ALKBH5: variants seen among roughly 807,000 people sequenced by gnomAD.
ALKBH5 encodes alkB homolog 5, RNA demethylase, also known as RNA demethylase ALKBH5.
In ALKBH5, 2 loss-of-function variants were observed where a neutral mutation model predicts 32.1. The ratio of observed to expected loss-of-function variants is 0.06; its 90% CI spans 0.03 to 0.20. ALKBH5 has a LOEUF of 0.20. ALKBH5 is among the 10% of genes least tolerant of loss of function. The pLI is 1.00. For synonymous variants in ALKBH5, 300 were observed against 231.7 expected, an observed-to-expected ratio of 1.29 and a Z score of -2.68; for missense variants, 352 against 559.5, an observed-to-expected ratio of 0.63 and a Z score of 3.74.
rs750021534 is a variant in ALKBH5 at position 18,206,976 on chromosome 17, C to A, written c.1007+6C>A. 1.9e-6 allele frequency: 3 copies of A among 1,612,164 alleles called. No individual in the cohort carries two copies. The highest frequency in any genetic ancestry group is 2.5e-6 in the Non-Finnish European group (3 of 1,178,674). ...GACCCTGATGCTGCCCACAGGTACTCAGTTTAGGACCCTCAGCAAAGGCTG... is the reference window on the plus strand; with the variant it reads ...GACCCTGATGCTGCCCACAGGTACTAAGTTTAGGACCCTCAGCAAAGGCTG... On this transcript the variant is annotated splice_donor_region_variant and intron_variant, in intron 3 of 3. Coordinates refer to ENST00000399138, the MANE Select transcript of ALKBH5 (RefSeq NM_017758.4).
Position 18,183,861 on chromosome 17 carries a change from T to A in ALKBH5, c.-383T>A. On this transcript the variant is annotated 5_prime_UTR_variant, in exon 1 of 4. Transcript: ENST00000399138. ...CGCTAAGGAGCGGCGCTGGCGGACGTCGGGCTGGCTGCCCGTGACGTCGTG... is the reference window on the plus strand; with the variant it reads ...CGCTAAGGAGCGGCGCTGGCGGACGACGGGCTGGCTGCCCGTGACGTCGTG... The A allele has an allele frequency of 2.9e-6, 1 of 345,150 alleles. No homozygotes were observed. Among genetic ancestry groups the A allele is most frequent in the Non-Finnish European group, 5.5e-6 (1 of 181,402 alleles). 21.4% of individuals were successfully genotyped at this position (345,150 alleles called of 1,614,324 possible). A position where few individuals can be genotyped will look rare whatever the true frequency, so the allele number is the denominator to read the frequency against.
At chr17:18,194,214 C>T (rs1001891490) in intron 1 of ALKBH5, among the ~76,000 whole-genome samples, 5 of 151,884 alleles carry the variant, frequency 3.3e-5, no homozygotes, top group African/African-American at 9.7e-5. Flanking sequence ...GTGCAGTGGG[C>T]GTGATCTTGG....
intron 2 of ALKBH5, among the ~76,000 whole-genome samples, chr17:18,202,810 T>C (rs2047249504): frequency 6.6e-6 from 1 of 151,618 alleles, no homozygotes; most frequent in South Asian, 2.1e-4. Context: ...GCACGATGGC[T>C]CACGCCTGTA....
intron 2 of ALKBH5, among the ~76,000 whole-genome samples, chr17:18,201,235 C>G (rs1344056750): frequency 6.6e-6 from 1 of 152,172 alleles, no homozygotes; most frequent in African/African-American, 2.4e-5. Context: ...TACATTTGTT[C>G]CCTGGTTCAG....
At position 18,184,434 on chromosome 17, in the gene ALKBH5, C is replaced by G. The variant is rs2047124512; in HGVS notation, c.191C>G (p.Ser64Trp). Reference protein sequence around the residue: ...SGAKRKYQEDSDPERSDYEEQ... With the variant: ...SGAKRKYQEDWDPERSDYEEQ... ...GCCAAGCGCAAGTATCAGGAGGACT[C>G]GGACCCCGAGCGCAGCGACTATGAG... The change falls in exon 1 of 4, where the codon TCG becomes TGG. Residue 64 changes from serine to tryptophan, a missense_variant. Physicochemically the swap from Ser to Trp is radical, Grantham distance 177. Transcript: ENST00000399138. 1.4e-5 allele frequency: 22 copies of G among 1,599,382 alleles called. No homozygotes were observed. The highest frequency in any genetic ancestry group is 1.5e-5 in the Non-Finnish European group (18 of 1,173,514).
intron 2 of ALKBH5, among the ~76,000 whole-genome samples, chr17:18,204,670 G>C (rs574356425): frequency 6.6e-6 from 1 of 152,134 alleles, no homozygotes; most frequent in East Asian, 1.9e-4. Flanking sequence ...GTTGAGGTGG[G>C]AGGATCGCTT....
chr17:18,205,516 C>G (rs1450420947), intron 2 of ALKBH5, among the ~76,000 whole-genome samples: 1 of 152,228 alleles, frequency 6.6e-6, no homozygotes, highest in East Asian at 1.9e-4. Context: ...GATGCCCCTG[C>G]TGCCTTTAGG....
At chr17:18,206,727 C>T in intron 2 of ALKBH5, 88 bp from the exon 3 acceptor site, 1 of 1,472,506 alleles carries the variant, frequency 6.8e-7, no homozygotes, top group Middle Eastern at 1.9e-4. Context: ...TAGCTGGCTC[C>T]CACTTGGCCT....
At chr17:18,208,112 C>A in intron 3 of ALKBH5, 107 bp from the exon 4 acceptor site, 1 of 1,231,916 alleles carries the variant, frequency 8.1e-7, no homozygotes, top group Non-Finnish European at 1.1e-6. Context: ...TCGTTGAGGA[C>A]CACTGAGCTG....
chr17:18,191,949 T>TAAAAAA (rs553466001), intron 1 of ALKBH5, among the ~76,000 whole-genome samples: 1 of 140,748 alleles, frequency 7.1e-6, no homozygotes, highest in African/African-American at 2.6e-5. Flanking sequence ...ACTCTGTCTT[T>TAAAAAA]AAAAAAAAAA....
In ALKBH5 at chr17:18,208,501, GT is replaced by G. The variant is rs1597844249; in HGVS notation, c.*111del. 7.7e-7 allele frequency: 1 copy of G among 1,305,070 alleles called. No homozygotes were observed. Among genetic ancestry groups the G allele is most frequent in the Non-Finnish European group, 1.1e-6 (1 of 934,316 alleles). The allele number at this position is 1,305,070 out of a possible 1,614,324, so 80.8% of individuals were successfully genotyped here. A position where few individuals can be genotyped will look rare whatever the true frequency, so the allele number is the denominator to read the frequency against. ...GTTCATTGGGGGGTTTTTGTTTTTTGTTTTTTGTTTTTTTTGATTCTATATA... is the reference window on the plus strand; with the variant it reads ...GTTCATTGGGGGGTTTTTGTTTTTTGTTTTTGTTTTTTTTGATTCTATATA... On this transcript the variant is annotated 3_prime_UTR_variant, in exon 4 of 4. Coordinates refer to ENST00000399138, the MANE Select transcript of ALKBH5 (RefSeq NM_017758.4).
intron 1 of ALKBH5, among the ~76,000 whole-genome samples, chr17:18,186,543 G>A (rs2047140622): frequency 6.6e-6 from 1 of 152,016 alleles, no homozygotes; most frequent in Admixed American, 6.6e-5. Flanking sequence ...CTTAATGAGG[G>A]GATCACAAGG....
At chr17:18,206,699 A>G in intron 2 of ALKBH5, 116 bp from the exon 3 acceptor site, 1 of 1,133,288 alleles carries the variant, frequency 8.8e-7, no homozygotes, top group Non-Finnish European at 1.3e-6. Flanking sequence ...CAGAGCAGAG[A>G]CTGCTGGCTT....
intron 1 of ALKBH5, among the ~76,000 whole-genome samples, chr17:18,192,541 T>A (rs2047182310): frequency 6.6e-6 from 1 of 152,230 alleles, no homozygotes; most frequent in East Asian, 1.9e-4. Context: ...TTCTCCTTAT[T>A]ACAGATGAAG....
intron 2 of ALKBH5, among the ~76,000 whole-genome samples, chr17:18,195,836 A>G (rs114633125): frequency 6.6e-6 from 1 of 152,216 alleles, no homozygotes; most frequent in Admixed American, 6.5e-5. Context: ...CCCAGAGAAG[A>G]TAGGTGATTG....
intron 3 of ALKBH5, among the ~76,000 whole-genome samples, chr17:18,207,997 G>A (rs181630261): frequency 7.2e-5 from 11 of 152,314 alleles, no homozygotes; most frequent in African/African-American, 2.4e-4. Context: ...CTCCAAGCCA[G>A]GCAGACCCCA....
intron 3 of ALKBH5, 102 bp downstream of exon 3, chr17:18,207,072 T>C: frequency 6.9e-7 from 1 of 1,452,234 alleles, no homozygotes. Flanking sequence ...CTTGGCTTGC[T>C]CACCCTTTCA....
rs1442044670 is a variant in ALKBH5, at chr17:18,209,561, A to G, written c.*1165A>G. Reference sequence around the variant, plus strand: ...AAAGGTAAAGTCTTTGGTAGCTTCTATCCACTCAGATCCTGGAAGGCAGCA... The same window carrying G: ...AAAGGTAAAGTCTTTGGTAGCTTCTGTCCACTCAGATCCTGGAAGGCAGCA... On this transcript the variant is annotated 3_prime_UTR_variant, in exon 4 of 4. Coordinates refer to ENST00000399138, the MANE Select transcript of ALKBH5 (RefSeq NM_017758.4). 6 of 152,214 alleles carry G rather than the reference A, an allele frequency of 3.9e-5. No homozygotes were observed. The highest frequency in any genetic ancestry group is 5.9e-5 in the Non-Finnish European group (4 of 68,046). 9.4% of individuals were successfully genotyped at this position (152,214 alleles called of 1,614,324 possible). A position where few individuals can be genotyped will look rare whatever the true frequency, so the allele number is the denominator to read the frequency against.
rs142082447 is a variant in ALKBH5, at chr17:18,206,100, C to T, written c.852-715C>T. Among the ~76,000 whole-genome samples the T allele has an allele frequency of 7.1e-4, 108 of 152,274 alleles. 2 individuals carry two copies. In the East Asian group the frequency reaches 0.017, roughly 24 times the overall value. Reference sequence around the variant, plus strand: ...GATCACTGCCCTGAGTTACCGCTACCCAGCTTCTCCATCCCCCTCTTCCTC... The same window carrying T: ...GATCACTGCCCTGAGTTACCGCTACTCAGCTTCTCCATCCCCCTCTTCCTC... On this transcript the variant is annotated intron_variant, in intron 2 of 3. Transcript: ENST00000399138.
Sources: allele counts gnomAD v4.1 joint callset (sites outside exome capture counted in the v4.1 genomes callset), GRCh38; gene constraint gnomAD v4.1.1; transcripts MANE v1.5; gene names NCBI Gene and HGNC (gene_info 2026-07-23, HGNC 2026-07-21).